Variants in ADGRL2 observed in about 807,000 individuals in gnomAD.
ADGRL2 encodes calcium-independent alpha-latrotoxin receptor 2.
In ADGRL2, 44 loss-of-function variants were observed where a neutral mutation model predicts 157.4. The ratio of observed to expected loss-of-function variants is 0.28; its 90% CI spans 0.22 to 0.36. The LOEUF is 0.36. Among genes scored for constraint, ADGRL2 ranks in the 10% least tolerant of loss-of-function variants. The probability of loss-of-function intolerance (pLI) is 1.00; values close to 1 mark genes in which losing one functional copy is unlikely to be tolerated. For missense variants in ADGRL2, 1,510 were observed against 1,768.9 expected, an observed-to-expected ratio of 0.85 and a Z score of 2.63; for synonymous variants, 585 against 624.7, an observed-to-expected ratio of 0.94 and a Z score of 0.95.
chr1:81,921,661 A>G (rs1160249892), intron 3 of ADGRL2, among the ~76,000 whole-genome samples: 2 of 152,216 alleles, frequency 1.3e-5, no homozygotes, highest in African/African-American at 4.8e-5. Flanking sequence ...CTTTCAGACA[A>G]GTTACTGATA....
intron 2 of ADGRL2, among the ~76,000 whole-genome samples, chr1:81,762,738 A>G (rs898368438): frequency 3.3e-5 from 5 of 152,070 alleles, no homozygotes; most frequent in African/African-American, 1.2e-4. Context: ...GAGACTTGGC[A>G]GTATATCTTG....
At chr1:81,726,245 C>T (rs1376306236) in intron 1 of ADGRL2, among the ~76,000 whole-genome samples, 2 of 152,146 alleles carry the variant, frequency 1.3e-5, no homozygotes, top group Non-Finnish European at 2.9e-5. Context: ...AAATCCTCAG[C>T]CTGGCTCTTA....
intron 2 of ADGRL2, among the ~76,000 whole-genome samples, chr1:81,449,255 C>T (rs184814648): frequency 1.3e-4 from 19 of 150,838 alleles, no homozygotes; most frequent in Non-Finnish European, 1.9e-4. Context: ...CTGTGTAATA[C>T]TTTGGATACA....
At chr1:81,669,759 G>A (rs550497891) in intron 3 of ADGRL2, among the ~76,000 whole-genome samples, 21 of 152,006 alleles carry the variant, frequency 1.4e-4, no homozygotes, top group African/African-American at 3.4e-4. Flanking sequence ...TGGCTAACAC[G>A]GTGAAACCCT....
rs538596260 is a variant in ADGRL2 at position 81,487,560 on chromosome 1, G to A, written c.-248+42471G>A. Among the ~76,000 whole-genome samples, 84 of 152,154 alleles carry A rather than the reference G, an allele frequency of 5.5e-4. 1 individual carries two copies. The highest frequency in any genetic ancestry group is 1.9e-3 in the African/African-American group (77 of 41,514). On this transcript the variant is annotated intron_variant, in intron 2 of 24. Coordinates refer to the ADGRL2 transcript ENST00000370721. ...CTCAGGAGGCTGAGGTAAGAGAATC[G>A]CTTGAACCCAGGAAGCGGAGGTTGC... is the stretch of plus-strand genomic sequence containing the variant.
chr1:81,754,561 TTC>T (rs755268908), intron 1 of ADGRL2, among the ~76,000 whole-genome samples: 5 of 108,904 alleles, frequency 4.6e-5, no homozygotes, highest in Non-Finnish European at 1.1e-4. Flanking sequence ...CTTTCTCTCT[TTC>T]TTTCTTTCCT....
At chr1:81,307,006 G>A (rs1335842263) in intron 1 of ADGRL2, among the ~76,000 whole-genome samples, 4 of 152,142 alleles carry the variant, frequency 2.6e-5, no homozygotes, top group African/African-American at 9.7e-5. Context: ...AAAGCTGAAG[G>A]CCTTATTGCT....
intron 3 of ADGRL2, among the ~76,000 whole-genome samples, chr1:81,913,036 C>A (rs2094769762): frequency 6.6e-6 from 1 of 152,076 alleles, no homozygotes; most frequent in Admixed American, 6.5e-5. Flanking sequence ...TTAACTTAAG[C>A]TCTATAAGCA....
intron 1 of ADGRL2, among the ~76,000 whole-genome samples, chr1:81,735,892 C>T (rs530239822): frequency 1.3e-5 from 2 of 152,016 alleles, no homozygotes; most frequent in Admixed American, 6.5e-5. Flanking sequence ...CGCCTGTAAT[C>T]CCAGCACTTT....
At chr1:81,437,579 A>G (rs564563334) in intron 1 of ADGRL2, among the ~76,000 whole-genome samples, 4 of 152,202 alleles carry the variant, frequency 2.6e-5, no homozygotes, top group Non-Finnish European at 4.4e-5. Flanking sequence ...CAATTTAATG[A>G]TAATTGCCCT....
rs959598559 is a variant in ADGRL2 at position 81,901,582 on chromosome 1, A to ATT, written c.74-5425_74-5424dup. Among the ~76,000 whole-genome samples, 18 of 144,306 alleles carry ATT rather than the reference A, an allele frequency of 1.2e-4. No individual in the cohort carries two copies. In the South Asian group the frequency reaches 1.8e-3, roughly 14 times the overall value. The allele number at this position is 144,306 out of a possible 152,430, so 94.7% of individuals were successfully genotyped here. A position where few individuals can be genotyped will look rare whatever the true frequency, so the allele number is the denominator to read the frequency against. On this transcript the variant is annotated intron_variant, in intron 2 of 23. Coordinates refer to ENST00000686636, the MANE Select transcript of ADGRL2 (RefSeq NM_001366006.2). The stretch of plus-strand genomic sequence containing the variant: ...AAAGGATTAAAACATATATATATAT[A>ATT]TTTTTTTTTTTGATGATTTCTTCCC...
intron 3 of ADGRL2, among the ~76,000 whole-genome samples, chr1:81,677,562 C>A (rs2083023010): frequency 6.6e-6 from 1 of 152,150 alleles, no homozygotes; most frequent in Non-Finnish European, 1.5e-5. Flanking sequence ...TCAAGTTGAC[C>A]TCTGTCTCCC....
At chr1:81,977,781 A>G (rs572870268) in intron 17 of ADGRL2, among the ~76,000 whole-genome samples, 202 of 151,826 alleles carry the variant, frequency 1.3e-3, no homozygotes, top group African/African-American at 4.7e-3. Flanking sequence ...GGTCCTGTAC[A>G]CTTCAGGAAA....
chr1:81,904,881 G>A (rs1032000701), intron 2 of ADGRL2, among the ~76,000 whole-genome samples: 2 of 151,950 alleles, frequency 1.3e-5, no homozygotes, highest in Non-Finnish European at 2.9e-5. Flanking sequence ...GGTGGGGGCA[G>A]GGGGAAAGAA....
chr1:81,480,439 A>G (rs2078361098), intron 2 of ADGRL2, among the ~76,000 whole-genome samples: 1 of 152,206 alleles, frequency 6.6e-6, no homozygotes, highest in African/African-American at 2.4e-5. Context: ...TAAGAACTAT[A>G]TGATGTTTAT....
chr1:81,971,043 A>G (rs1368274666), intron 16 of ADGRL2, among the ~76,000 whole-genome samples: 1 of 152,140 alleles, frequency 6.6e-6, no homozygotes, highest in Admixed American at 6.6e-5. Flanking sequence ...TCATAAAAGT[A>G]TAGATATTTA....
intron 2 of ADGRL2, among the ~76,000 whole-genome samples, chr1:81,844,231 T>C (rs1457054872): frequency 6.6e-6 from 1 of 152,184 alleles, no homozygotes; most frequent in Non-Finnish European, 1.5e-5. Context: ...TACACAGTTA[T>C]TTTTATAGTT....
intron 2 of ADGRL2, among the ~76,000 whole-genome samples, chr1:81,901,643 A>G (rs1306394656): frequency 1.3e-5 from 2 of 151,930 alleles, no homozygotes; most frequent in Non-Finnish European, 2.9e-5. Context: ...TGTGATACAA[A>G]TAAAGGAATA....
chr1:81,488,117 C>T (rs12026992), intron 2 of ADGRL2, among the ~76,000 whole-genome samples: 12,525 of 151,970 alleles, frequency 0.082, 776 homozygotes, highest in East Asian at 0.28. Context: ...CCATTTTTCC[C>T]CTTTATTTTT....
Sources: gnomAD v4.1 joint callset for allele counts (sites outside exome capture counted in the v4.1 genomes callset) on GRCh38, gnomAD v4.1.1 for gene constraint, MANE v1.5 for transcripts, NCBI Gene and HGNC (gene_info 2026-07-23, HGNC 2026-07-21) for gene names.